ITGA8: variants seen among roughly 807,000 people sequenced by gnomAD.
The protein encoded by ITGA8 is integrin alpha-8.
Under a neutral mutation model 142.3 loss-of-function variants are expected in ITGA8, and 91 were observed. The ratio of observed to expected loss-of-function variants is 0.64; its 90% confidence interval spans 0.54 to 0.76. ITGA8 has a LOEUF of 0.76. ITGA8 is among the 30% of genes least tolerant of loss of function. ITGA8 has a pLI of 0.00. For missense variants in ITGA8, 1,406 were observed against 1,327.7 expected (o/e 1.06, Z -0.92); for synonymous variants, 505 against 485.2 (o/e 1.04, Z -0.54).
chr10:15,655,613 T>G (rs971292308), intron 10 of ITGA8, among the ~76,000 whole-genome samples: 10 of 152,164 alleles, frequency 6.6e-5, no homozygotes, highest in Non-Finnish European at 1.2e-4. Context: ...CCCTGACATC[T>G]GCTTGGACAT....
chr10:15,592,201 G>C (rs1195801472), intron 22 of ITGA8, 24 bp downstream of exon 22: 7 of 1,558,222 alleles, frequency 4.5e-6, no homozygotes, highest in African/African-American at 1.4e-5. Flanking sequence ...TGCTGTCAAC[G>C]ATATAGGCAT....
Position 15,517,140 on chromosome 10 carries a change from T to A in ITGA8, c.*18A>T. 6.3e-7 allele frequency: 1 copy of A among 1,585,412 alleles called. No homozygotes were observed. The highest frequency in any genetic ancestry group is 8.6e-7 in the Non-Finnish European group (1 of 1,158,068). On this transcript the variant is annotated 3_prime_UTR_variant, in exon 30 of 30. Coordinates refer to ENST00000378076, the MANE Select transcript of ITGA8 (RefSeq NM_003638.3). ...CAGGACCAGTGTTTGAGGTCTTTGG[T>A]CTTCTTTTTTTTTCTTGTCATGCCT... is the stretch of plus-strand genomic sequence containing the variant.
intron 11 of ITGA8, among the ~76,000 whole-genome samples, chr10:15,651,427 G>A (rs1258353781): frequency 6.6e-6 from 1 of 152,066 alleles, no homozygotes; most frequent in East Asian, 1.9e-4. Flanking sequence ...CAACTGTTAA[G>A]TCTAAATGTT....
At position 15,666,112 on chromosome 10, in the gene ITGA8, A is replaced by G. The variant is rs1474515181; in HGVS notation, c.848-5190T>C. Among the ~76,000 whole-genome samples the G allele has an allele frequency of 3.3e-5, 5 of 152,208 alleles. No individual in the cohort carries two copies. In the East Asian group the frequency reaches 9.6e-4, roughly 29 times the overall value. ...GAATCTATAAATTACCTTGGGCAGT[A>G]TGGCCATTTTCAAAATATTGATTCT... On this transcript the variant is annotated intron_variant, in intron 8 of 29. Transcript: ENST00000378076.
chr10:15,662,284 C>G (rs35879170), intron 8 of ITGA8, among the ~76,000 whole-genome samples: 14,705 of 136,926 alleles, frequency 0.11, 922 homozygotes, highest in East Asian at 0.32. Flanking sequence ...AAATAGGAGA[C>G]TTTTCCTTTT....
In ITGA8 at chr10:15,602,499, A is replaced by G. The variant is rs190709827; in HGVS notation, c.2118+1709T>C. Among the ~76,000 whole-genome samples the G allele has an allele frequency of 7.9e-5, 12 of 152,260 alleles. No individual in the cohort carries two copies. The East Asian group carries it at 2.3e-3, about 29-fold the overall frequency. On this transcript the variant is annotated intron_variant, in intron 20 of 29. Coordinates refer to ENST00000378076, the MANE Select transcript of ITGA8 (RefSeq NM_003638.3). ...GTGCCTATAATATCAGCGCTTTGGA[A>G]GGCCAAGGTGGGTGGACCGCCTGAC... is the stretch of plus-strand genomic sequence containing the variant.
At chr10:15,693,995 T>C (rs1236393233) in intron 2 of ITGA8, among the ~76,000 whole-genome samples, 1 of 151,344 alleles carries the variant, frequency 6.6e-6, no homozygotes, top group Admixed American at 6.6e-5. Flanking sequence ...AGCTGGGATG[T>C]TGATGTTGTA....
chr10:15,607,698 C>A lies in ITGA8; in HGVS notation c.1743G>T (p.Gln581His). The A allele has an allele frequency of 6.2e-7, 1 of 1,613,862 alleles. No individual in the cohort carries two copies. The highest frequency in any genetic ancestry group is 1.7e-5 in the Admixed American group (1 of 60,016). The change falls in exon 17 of 30, where the codon CAG becomes CAT. Residue 581 changes from glutamine to histidine, a missense_variant. Gln to His is a conservative substitution (Grantham distance 24). Coordinates refer to ENST00000378076, the MANE Select transcript of ITGA8 (RefSeq NM_003638.3). ...VIKRQKSHQC[Q>H]DFIVYLRDET... is the part of the protein sequence containing the mutation. The stretch of plus-strand genomic sequence containing the variant: ...TTACTCGAAGGTAAACGATGAAATC[C>A]TGGCACTGGTGGGATTTCTGCCTTT...
rs777183543 is a variant in ITGA8 at position 15,644,117 on chromosome 10, G to A, written c.1312C>T (p.Gln438Ter). The change falls in exon 13 of 30, where the codon CAA (glutamine) becomes TAA (stop). Residue 438 changes from glutamine to a stop codon, truncating the protein, a stop_gained. Transcript: ENST00000378076. LOFTEE classifies it high-confidence loss of function. ...ACAGCATGTGAGGCCCACACTCCTT[G>A]CAGAACTTGGGAAGGCTTGGTGTTT... ...GLNTKPSQVL[Q>*]GVWASHAVPS... is the part of the protein sequence containing the mutation. The A allele has an allele frequency of 6.2e-7, 1 of 1,614,114 alleles. No individual in the cohort carries two copies.
chr10:15,676,316 G>A lies in ITGA8; in HGVS notation c.676+1276C>T, dbSNP rs550177263. ...AGCACCTTAGCAAGAATTAGAAGACGTAATTTCCTCTCAGCAGATGCTGTC... is the reference window on the plus strand; with the variant it reads ...AGCACCTTAGCAAGAATTAGAAGACATAATTTCCTCTCAGCAGATGCTGTC... On this transcript the variant is annotated intron_variant, in intron 6 of 29. Coordinates refer to ENST00000378076, the MANE Select transcript of ITGA8 (RefSeq NM_003638.3). Among the ~76,000 whole-genome samples, 15 of 152,296 alleles carry A rather than the reference G, an allele frequency of 9.8e-5. No homozygotes were observed. In the South Asian group the frequency reaches 2.1e-3, roughly 21 times the overall value.
intron 10 of ITGA8, among the ~76,000 whole-genome samples, chr10:15,657,705 T>G (rs1183724178): frequency 6.6e-6 from 1 of 152,064 alleles, no homozygotes; most frequent in Non-Finnish European, 1.5e-5. Flanking sequence ...TGAATTTGTT[T>G]CTCCAGGCAA....
intron 13 of ITGA8, among the ~76,000 whole-genome samples, chr10:15,618,674 G>C (rs567129070): frequency 6.6e-6 from 1 of 152,130 alleles, no homozygotes; most frequent in Non-Finnish European, 1.5e-5. Context: ...GCAGAGGAAC[G>C]ACAAAAGACT....
At chr10:15,605,126 A>G (rs928930488) in intron 19 of ITGA8, among the ~76,000 whole-genome samples, 2 of 152,146 alleles carry the variant, frequency 1.3e-5, no homozygotes, top group African/African-American at 4.8e-5. Flanking sequence ...TTTCTTGACC[A>G]CAGAATGTTT....
At chr10:15,541,201 C>T (rs2131551653) in intron 27 of ITGA8, among the ~76,000 whole-genome samples, 1 of 152,282 alleles carries the variant, frequency 6.6e-6, no homozygotes, top group African/African-American at 2.4e-5. Context: ...TTCCTTACAT[C>T]CTCTCATAAA....
chr10:15,705,946 T>G (rs1000231796), intron 2 of ITGA8, among the ~76,000 whole-genome samples: 3 of 152,186 alleles, frequency 2.0e-5, no homozygotes. Flanking sequence ...TTCTCACCTC[T>G]TTTCTGCTCT....
At chr10:15,591,403 A>G (rs1425842311) in intron 22 of ITGA8, among the ~76,000 whole-genome samples, 2 of 128,048 alleles carry the variant, frequency 1.6e-5, no homozygotes, top group Middle Eastern at 4.2e-3. Flanking sequence ...AGCTGTATTA[A>G]TATATATTAT....
chr10:15,682,853 CAAA>C (rs3048323), intron 4 of ITGA8, among the ~76,000 whole-genome samples: 429 of 120,150 alleles, frequency 3.6e-3, no homozygotes, highest in South Asian at 0.012. Context: ...GACCCTGTCT[CAAA>C]AAAAAAAAAA....
At chr10:15,639,375 G>A (rs913849093) in intron 13 of ITGA8, among the ~76,000 whole-genome samples, 1 of 152,146 alleles carries the variant, frequency 6.6e-6, no homozygotes, top group East Asian at 1.9e-4. Flanking sequence ...TGCTCAAAGT[G>A]GGGTGCTGCG....
chr10:15,611,328 G>C (rs950149200), intron 15 of ITGA8, among the ~76,000 whole-genome samples: 9 of 152,004 alleles, frequency 5.9e-5, no homozygotes, highest in African/African-American at 2.2e-4. Context: ...AAAAATGTAT[G>C]CAATAGAAAC....
Sources: allele counts gnomAD v4.1 joint callset (sites outside exome capture counted in the v4.1 genomes callset), GRCh38; gene constraint gnomAD v4.1.1; transcripts MANE v1.5; gene names NCBI Gene and HGNC (gene_info 2026-07-23, HGNC 2026-07-21).